The following PHACTR2 variants were observed in gnomAD, a reference collection of about 807,000 sequenced individuals.
The protein encoded by PHACTR2 is chromosome 6 open reading frame 56.
In PHACTR2, 30 loss-of-function variants were observed where a neutral mutation model predicts 76.0. That is an observed-to-expected ratio of 0.39 (90% CI 0.30 to 0.54). The LOEUF (loss-of-function observed/expected upper bound fraction) is 0.54. PHACTR2 is among the 20% of genes least tolerant of loss of function. PHACTR2 has a pLI of 0.61. For synonymous variants in PHACTR2, 292 were observed against 292.5 expected (o/e 1.00, Z 0.02); for missense variants, 696 against 781.1 (o/e 0.89, Z 1.30).
chr6:143,549,821 G>A lies in PHACTR2; in HGVS notation c.217+12614G>A, dbSNP rs1775063333. Among the ~76,000 whole-genome samples, 1 of 151,758 alleles carries A rather than the reference G, an allele frequency of 6.6e-6. No individual in the cohort carries two copies. The highest frequency in any genetic ancestry group is 6.6e-5 in the Admixed American group (1 of 15,218). On this transcript the variant is annotated intron_variant, in intron 1 of 11. Coordinates refer to the PHACTR2 transcript ENST00000367584. This position sits in a 1 kb window ranked among gnomAD's most constrained non-coding sequence, Gnocchi z 4.2. ...CTGTGTTAAAGTCATGCTTAGGAGTGGGGGTGGGGTGTCTCGGTATGATTC... is the reference window on the plus strand; with the variant it reads ...CTGTGTTAAAGTCATGCTTAGGAGTAGGGGTGGGGTGTCTCGGTATGATTC...
At chr6:143,756,631 G>A (rs1368423699) in intron 4 of PHACTR2, among the ~76,000 whole-genome samples, 11 of 151,262 alleles carry the variant, frequency 7.3e-5, no homozygotes, top group Admixed American at 5.9e-4. Flanking sequence ...CCCGGGAGGC[G>A]GAGCTTGCAG....
intron 1 of PHACTR2, among the ~76,000 whole-genome samples, chr6:143,644,844 A>ATTGG (rs1776630580): frequency 1.3e-5 from 2 of 149,608 alleles, no homozygotes; most frequent in Admixed American, 1.3e-4. Context: ...TTATGTCTGT[A>ATTGG]GGCTATTGGG....
chr6:143,792,704 A>C (rs1258842108), intron 11 of PHACTR2, among the ~76,000 whole-genome samples: 5 of 152,262 alleles, frequency 3.3e-5, no homozygotes, highest in African/African-American at 1.2e-4. Flanking sequence ...TGTCTTGGTA[A>C]GGAAGGCTCA....
At position 143,538,093 on chromosome 6, in the gene PHACTR2, T is replaced by TACACACAC. The variant is rs34308001; in HGVS notation, c.217+900_217+907dup. Among the ~76,000 whole-genome samples, 71 of 150,672 alleles carry TACACACAC rather than the reference T, an allele frequency of 4.7e-4. 1 individual carries two copies. Among genetic ancestry groups the TACACACAC allele is most frequent in the African/African-American group, 1.5e-3 (62 of 41,164 alleles). ...TGAATGAAAAAGTGAGACTCCGTCT[T>TACACACAC]ACACACACACACACACACACAAACA... On this transcript the variant is annotated intron_variant, in intron 1 of 11. Transcript: ENST00000367584.
In PHACTR2 at chr6:143,753,069, T is replaced by G. The variant is rs570109773; in HGVS notation, c.296-685T>G. Among the ~76,000 whole-genome samples, 7 of 152,014 alleles carry G rather than the reference T, an allele frequency of 4.6e-5. No individual in the cohort carries two copies. In the South Asian group the frequency reaches 1.5e-3, roughly 32 times the overall value. ...TACTTTTTTATGTGTGTTTTTTTTTTCTCGAATGTTTTCAAATTATTTTTA... is the reference window on the plus strand; with the variant it reads ...TACTTTTTTATGTGTGTTTTTTTTTGCTCGAATGTTTTCAAATTATTTTTA... On this transcript the variant is annotated intron_variant, in intron 3 of 12. Transcript: ENST00000440869. This position sits in a 1 kb window ranked among gnomAD's most constrained non-coding sequence, Gnocchi z 4.6.
At chr6:143,692,116 G>A (rs1777656700) in intron 1 of PHACTR2, among the ~76,000 whole-genome samples, 1 of 152,102 alleles carries the variant, frequency 6.6e-6, no homozygotes, top group African/African-American at 2.4e-5. Context: ...GTTGCCTAAG[G>A]TGTTTCAGGG....
In PHACTR2 at chr6:143,822,391, G is replaced by T. The variant is rs908986463; in HGVS notation, c.1923-1283G>T. On this transcript the variant is annotated intron_variant, in intron 12 of 12. Transcript: ENST00000440869. The surrounding 1 kb of genome is among the most constrained non-coding windows in gnomAD (Gnocchi z 5.5). ...CTTTTGAGAAAGAACTGGGTTGGGC[G>T]CAGTGGCTCGTACCTGTAATCACAG... is the stretch of plus-strand genomic sequence containing the variant. Among the ~76,000 whole-genome samples, 1 of 152,136 alleles carries T rather than the reference G, an allele frequency of 6.6e-6. No individual in the cohort carries two copies. Among genetic ancestry groups the T allele is most frequent in the Non-Finnish European group, 1.5e-5 (1 of 68,014 alleles).
Position 143,755,820 on chromosome 6 carries a change from T to G in PHACTR2, c.454+1908T>G, listed in dbSNP as rs557628861. Among the ~76,000 whole-genome samples the G allele has an allele frequency of 6.6e-6, 1 of 152,316 alleles. No individual in the cohort carries two copies. Among genetic ancestry groups the G allele is most frequent in the East Asian group, 1.9e-4 (1 of 5,172 alleles). ...GTCACGCATAACTAATATTACAGTG[T>G]ATTATGTTAATTAGAAAATGCCTTA... is the stretch of plus-strand genomic sequence containing the variant. On this transcript the variant is annotated intron_variant, in intron 4 of 12. Transcript: ENST00000440869. The surrounding 1 kb of genome is among the most constrained non-coding windows in gnomAD (Gnocchi z 5.2).
chr6:143,642,219 T>C (rs1776577489), intron 1 of PHACTR2, among the ~76,000 whole-genome samples: 1 of 152,242 alleles, frequency 6.6e-6, no homozygotes, highest in African/African-American at 2.4e-5. Context: ...CTCTTGGTCT[T>C]GGAATGTCCT....
intron 1 of PHACTR2, among the ~76,000 whole-genome samples, chr6:143,651,781 C>T (rs1452614770): frequency 6.6e-6 from 1 of 151,812 alleles, no homozygotes; most frequent in East Asian, 1.9e-4. Context: ...ATCTGTACAG[C>T]AAACCACCAT....
chr6:143,698,970 C>G lies in PHACTR2; in HGVS notation c.47-13046C>G, dbSNP rs145329378. Among the ~76,000 whole-genome samples the G allele has an allele frequency of 1.8e-3, 280 of 152,270 alleles. 1 individual carries two copies. The highest frequency in any genetic ancestry group is 6.3e-3 in the African/African-American group (262 of 41,536). ...TTCTCTTCAATGGTGGCTCTGTTGT[C>G]CTTTACCTCTCCTATCACAGGGGGC... On this transcript the variant is annotated intron_variant, in intron 1 of 12. Transcript: ENST00000440869. This position sits in a 1 kb window ranked among gnomAD's most constrained non-coding sequence, Gnocchi z 4.3.
rs935966875 is a variant in PHACTR2, at chr6:143,627,141, A to C, written c.13+18819A>C. ...GTATCTATGAACCAAACAAGTTAGA[A>C]GGTCCAGGAGGGAAGTGCCACTTGG... On this transcript the variant is annotated intron_variant, in intron 1 of 11. Coordinates refer to the PHACTR2 transcript ENST00000305766. The surrounding 1 kb of genome is among the most constrained non-coding windows in gnomAD (Gnocchi z 4.3). 6.6e-6 allele frequency among the ~76,000 whole-genome samples: 1 copy of C among 152,204 alleles called. No homozygotes were observed. The highest frequency in any genetic ancestry group is 2.4e-5 in the African/African-American group (1 of 41,458).
rs369242596 is a variant in PHACTR2 at position 143,753,801 on chromosome 6, C to A, written c.343C>A (p.Pro115Thr). ...NFENSNGHMI[P>T]IGEESTREEN... ...TGAAAATTCAAACGGGCACATGATA[C>A]CCATCGGAGAGGAATCTACCCGAGA... The change falls in exon 4 of 13, where the codon CCC becomes ACC. Residue 115 changes from proline (P) to threonine (T), a missense_variant. Coordinates refer to ENST00000440869, the MANE Select transcript of PHACTR2 (RefSeq NM_001100164.2). This position sits in a 1 kb window ranked among gnomAD's most constrained non-coding sequence, Gnocchi z 4.6. 6.2e-7 allele frequency: 1 copy of A among 1,611,354 alleles called. No homozygotes were observed. The highest frequency in any genetic ancestry group is 1.1e-5 in the South Asian group (1 of 90,732).
intron 1 of PHACTR2, among the ~76,000 whole-genome samples, chr6:143,636,343 A>T (rs1776454473): frequency 6.6e-6 from 1 of 152,066 alleles, no homozygotes; most frequent in African/African-American, 2.4e-5. Flanking sequence ...TGAGGTTGGG[A>T]TCCCCATTTA....
At chr6:143,740,157 G>A (rs1443157054) in intron 2 of PHACTR2, among the ~76,000 whole-genome samples, 4 of 152,176 alleles carry the variant, frequency 2.6e-5, no homozygotes, top group African/African-American at 2.4e-5. Context: ...TTTTTAGACC[G>A]TATAGGGTAA....
intron 1 of PHACTR2, among the ~76,000 whole-genome samples, chr6:143,615,926 T>C (rs986883735): frequency 1.3e-5 from 2 of 152,212 alleles, no homozygotes; most frequent in East Asian, 1.9e-4. Flanking sequence ...TTCCAAACTC[T>C]GTACTACTCT....
At chr6:143,758,583 C>T (rs550090100) in intron 4 of PHACTR2, among the ~76,000 whole-genome samples, 12 of 152,272 alleles carry the variant, frequency 7.9e-5, no homozygotes, top group African/African-American at 2.4e-4. Context: ...TTAAGAGGGC[C>T]ATTACTATTA....
Position 143,772,780 on chromosome 6 carries a change from C to A in PHACTR2, c.1432+323C>A, listed in dbSNP as rs1189834739. ...CTTTCTCACTATGACCAAAGAGAGC[C>A]CTTCCACTCTGGGCCTGTTGTTGAA... On this transcript the variant is annotated intron_variant, in intron 7 of 12. Coordinates refer to ENST00000440869, the MANE Select transcript of PHACTR2 (RefSeq NM_001100164.2). This position sits in a 1 kb window ranked among gnomAD's most constrained non-coding sequence, Gnocchi z 5.4. 6.6e-6 allele frequency among the ~76,000 whole-genome samples: 1 copy of A among 152,144 alleles called. No homozygotes were observed. The highest frequency in any genetic ancestry group is 2.4e-5 in the African/African-American group (1 of 41,428).
rs1197888137 is a variant in PHACTR2 at position 143,616,629 on chromosome 6, GA to G, written c.13+8308del. On this transcript the variant is annotated intron_variant, in intron 1 of 11. Transcript: ENST00000305766. The surrounding 1 kb of genome is among the most constrained non-coding windows in gnomAD (Gnocchi z 4.9). Reference sequence around the variant, plus strand: ...AGTGTGGATATGAGAGAATGAAACGGAGCTTCTGTCAGCATGCTCCTTCCTT... The same window carrying G: ...AGTGTGGATATGAGAGAATGAAACGGGCTTCTGTCAGCATGCTCCTTCCTT... Among the ~76,000 whole-genome samples, 4 of 152,144 alleles carry G rather than the reference GA, an allele frequency of 2.6e-5. No homozygotes were observed. Among genetic ancestry groups the G allele is most frequent in the Non-Finnish European group, 4.4e-5 (3 of 68,040 alleles).
Sources: gnomAD v4.1 joint callset for allele counts (sites outside exome capture counted in the v4.1 genomes callset) on GRCh38, gnomAD v4.1.1 for gene constraint, Gnocchi (gnomAD v3.1) non-coding constraint, MANE v1.5 for transcripts, NCBI Gene and HGNC (gene_info 2026-07-23, HGNC 2026-07-21) for gene names.